Variants in TRIM15 observed in about 807,000 individuals in gnomAD.
TRIM15 encodes E3 ubiquitin-protein ligase TRIM15.
A neutral mutation model predicts 35.8 loss-of-function variants in TRIM15; 35 were observed. That is an observed-to-expected ratio of 0.98 (90% CI 0.75 to 1.30). The LOEUF (loss-of-function observed/expected upper bound fraction) is 1.30. TRIM15 is among the 50% of genes most tolerant of loss of function. TRIM15 has a pLI of 0.00. For synonymous variants in TRIM15, 252 were observed against 249.8 expected (o/e 1.01, Z -0.08); for missense variants, 590 against 593.5 (o/e 0.99, Z 0.06).
chr6:30,168,223 A>T (rs1407402574), intron 2 of TRIM15, 77 bp from the exon 3 acceptor site: 2 of 1,263,202 alleles, frequency 1.6e-6, no homozygotes, highest in Non-Finnish European at 2.2e-6. Context: ...GTTAATCAAT[A>T]ATAAGTATAT....
At chr6:30,165,714 C>A (rs1773549436) in intron 1 of TRIM15, among the ~76,000 whole-genome samples, 1 of 152,210 alleles carries the variant, frequency 6.6e-6, no homozygotes, top group African/African-American at 2.4e-5. Flanking sequence ...TTTACACTCC[C>A]ACCAACATTG....
At position 30,165,802 on chromosome 6, in the gene TRIM15, G is replaced by C. The variant is rs576316481; in HGVS notation, c.382-1374G>C. Among the ~76,000 whole-genome samples, 50 of 152,290 alleles carry C rather than the reference G, an allele frequency of 3.3e-4. No homozygotes were observed. In the South Asian group the frequency reaches 5.2e-3, roughly 16 times the overall value. On this transcript the variant is annotated intron_variant, in intron 1 of 6. Transcript: ENST00000376694. The stretch of plus-strand genomic sequence containing the variant: ...TTTTTAATGATCACCATTCTAACTG[G>C]TGTGAGATGGTATCTCATTGTGGTT...
rs1266313312 is a variant in TRIM15, at chr6:30,171,881, G to T, written c.930G>T (p.Ser310=). The change falls in exon 7 of 7, where the codon TCG becomes TCT. Residue 310 remains serine (S), a synonymous_variant. Coordinates refer to ENST00000376694, the MANE Select transcript of TRIM15 (RefSeq NM_033229.3). ...CCGCCAGCCGGAGCCTGGTTCTCTCGGAAGACAGGAAGTCAGTGAGGTACA... is the reference window on the plus strand; with the variant it reads ...CCGCCAGCCGGAGCCTGGTTCTCTCTGAAGACAGGAAGTCAGTGAGGTACA... ...PQTASRSLVL[S]EDRKSVRYTR... The T allele has an allele frequency of 3.1e-6, 5 of 1,595,422 alleles. No individual in the cohort carries two copies. The highest frequency in any genetic ancestry group is 4.3e-6 in the Non-Finnish European group (5 of 1,170,902).
chr6:30,170,896 ACTCAAGTCAC>A (rs1427387446), intron 5 of TRIM15, 70 bp from the exon 6 acceptor site: 21 of 1,502,720 alleles, frequency 1.4e-5, no homozygotes. Flanking sequence ...TTCACATTGT[ACTCAAGTCAC>A]CTTGCCCCTG....
chr6:30,163,640 G>A lies in TRIM15; in HGVS notation c.-45G>A. 1.3e-6 allele frequency: 2 copies of A among 1,550,568 alleles called. No individual in the cohort carries two copies. Among genetic ancestry groups the A allele is most frequent in the Non-Finnish European group, 1.7e-6 (2 of 1,147,676 alleles). ...TCGATTTCAGGGAAAGGGAACTCGC[G>A]TGGGCTGAGGAGACCGGAGTGGACG... On this transcript the variant is annotated 5_prime_UTR_variant, in exon 1 of 7. The change creates a new upstream start codon in the 5' untranslated region. Coordinates refer to ENST00000376694, the MANE Select transcript of TRIM15 (RefSeq NM_033229.3).
rs534619310 is a variant in TRIM15 at position 30,167,380 on chromosome 6, G to C, written c.477+109G>C. On this transcript the variant is annotated intron_variant, in intron 2 of 6. Coordinates refer to ENST00000376694, the MANE Select transcript of TRIM15 (RefSeq NM_033229.3). Reference sequence around the variant, plus strand: ...CCTGGCTGAAAAGAACTGACAAACTGTTCTCGTTCACCTTCCTGTGGCTGC... The same window carrying C: ...CCTGGCTGAAAAGAACTGACAAACTCTTCTCGTTCACCTTCCTGTGGCTGC... 9.1e-6 allele frequency: 8 copies of C among 875,418 alleles called. No homozygotes were observed. In the African/African-American group the frequency reaches 1.2e-4, roughly 13 times the overall value. The allele number at this position is 875,418 out of a possible 1,614,324, so 54.2% of individuals were successfully genotyped here.
Position 30,163,578 on chromosome 6 carries a change from T to C in TRIM15, c.-107T>C. On this transcript the variant is annotated 5_prime_UTR_variant, in exon 1 of 7. Coordinates refer to ENST00000376694, the MANE Select transcript of TRIM15 (RefSeq NM_033229.3). ...TTTCTCTCTCTCTGTCTCTTAGCCT[T>C]GCAGCCGTTTCCCTCTGCGATTCAT... 19 of 1,133,490 alleles carry C rather than the reference T, an allele frequency of 1.7e-5. No individual in the cohort carries two copies. The highest frequency in any genetic ancestry group is 3.4e-5 in the East Asian group (1 of 29,842). The allele number at this position is 1,133,490 out of a possible 1,614,324, so 70.2% of individuals were successfully genotyped here.
intron 6 of TRIM15, 116 bp from the exon 7 acceptor site, chr6:30,171,716 G>GC: frequency 7.5e-7 from 1 of 1,340,016 alleles, no homozygotes; most frequent in Non-Finnish European, 9.9e-7. Context: ...CAGAGAAGTG[G>GC]CCCAATGGCA....
chr6:30,167,030 A>T, intron 1 of TRIM15, 146 bp from the exon 2 acceptor site: 3 of 626,956 alleles, frequency 4.8e-6, no homozygotes, highest in Non-Finnish European at 5.6e-6. Flanking sequence ...TCTTCCTGAG[A>T]TGGTGGTCTC....
At chr6:30,169,427 T>C (rs1773855682) in intron 4 of TRIM15, 164 bp downstream of exon 4, 1 of 799,730 alleles carries the variant, frequency 1.3e-6, no homozygotes, top group African/African-American at 1.7e-5. Context: ...TCACTAAAGA[T>C]TTGCGTTCTA....
chr6:30,167,719 A>G (rs990279104), intron 2 of TRIM15, among the ~76,000 whole-genome samples: 1 of 152,160 alleles, frequency 6.6e-6, no homozygotes, highest in Admixed American at 6.5e-5. Context: ...GAGTAGGCTG[A>G]TGGTGTGGCT....
rs61738774 is a variant in TRIM15 at position 30,168,373 on chromosome 6, G to A, written c.551G>A (p.Arg184Gln). ...CTGCAGCAGGAGCTGGAGCAGCAGC[G>A]ATGTCTCCTGCTGGCCAGGCTGAGG... ...ERLQQELEQQ[R>Q]CLLLARLREL... is the part of the protein sequence containing the mutation. The change falls in exon 3 of 7, where the codon CGA becomes CAA. Residue 184 changes from arginine to glutamine, a missense_variant. Transcript: ENST00000376694. 2.0e-3 allele frequency: 3,207 copies of A among 1,613,004 alleles called. 12 individuals are homozygous for A. The highest frequency in any genetic ancestry group is 0.012 in the African/African-American group (875 of 75,026).
chr6:30,169,010 C>T (rs1276190005), intron 3 of TRIM15, among the ~76,000 whole-genome samples: 1 of 152,156 alleles, frequency 6.6e-6, no homozygotes, highest in Non-Finnish European at 1.5e-5. Flanking sequence ...CAACCCACCC[C>T]CACGATAAGG....
Position 30,171,856 on chromosome 6 carries a change from C to A in TRIM15, c.905C>A (p.Thr302Asn). 6.3e-7 allele frequency: 1 copy of A among 1,580,544 alleles called. No homozygotes were observed. Among genetic ancestry groups the A allele is most frequent in the South Asian group, 1.2e-5 (1 of 85,906 alleles). Reference protein sequence around the residue: ...DSGVITLDPQTASRSLVLSED... With the variant: ...DSGVITLDPQNASRSLVLSED... Reference sequence around the variant, plus strand: ...GGGGTCATCACTCTGGACCCTCAGACCGCCAGCCGGAGCCTGGTTCTCTCG... The same window carrying A: ...GGGGTCATCACTCTGGACCCTCAGAACGCCAGCCGGAGCCTGGTTCTCTCG... The change falls in exon 7 of 7, where the codon ACC becomes AAC. Residue 302 changes from threonine to asparagine, a missense_variant. Coordinates refer to ENST00000376694, the MANE Select transcript of TRIM15 (RefSeq NM_033229.3).
chr6:30,171,364 T>C (rs978000087), intron 6 of TRIM15, among the ~76,000 whole-genome samples: 8 of 152,246 alleles, frequency 5.3e-5, no homozygotes, highest in African/African-American at 1.7e-4. Flanking sequence ...CCCTAGTTTT[T>C]TGAGAGCATT....
At position 30,171,862 on chromosome 6, in the gene TRIM15, G is replaced by C; in HGVS notation, c.911G>C (p.Ser304Thr). The stretch of plus-strand genomic sequence containing the variant: ...ATCACTCTGGACCCTCAGACCGCCA[G>C]CCGGAGCCTGGTTCTCTCGGAAGAC... ...GVITLDPQTASRSLVLSEDRK... is the reference protein window; with the variant it reads ...GVITLDPQTATRSLVLSEDRK... The change falls in exon 7 of 7, where the codon AGC becomes ACC. Residue 304 changes from serine to threonine, a missense_variant. Coordinates refer to ENST00000376694, the MANE Select transcript of TRIM15 (RefSeq NM_033229.3). The C allele has an allele frequency of 6.3e-7, 1 of 1,586,352 alleles. No individual in the cohort carries two copies. Among genetic ancestry groups the C allele is most frequent in the Non-Finnish European group, 8.6e-7 (1 of 1,166,062 alleles).
At chr6:30,165,273 G>A (rs1368598985) in intron 1 of TRIM15, among the ~76,000 whole-genome samples, 1 of 152,038 alleles carries the variant, frequency 6.6e-6, no homozygotes, top group Non-Finnish European at 1.5e-5. Flanking sequence ...GCCCTGACAG[G>A]CCCCGATGTG....
In TRIM15 at chr6:30,170,334, A is replaced by C; in HGVS notation, c.732-167A>C. 6.9e-6 allele frequency: 4 copies of C among 582,200 alleles called. No individual in the cohort carries two copies. In the South Asian group the frequency reaches 8.7e-5, roughly 13 times the overall value. The allele number at this position is 582,200 out of a possible 1,614,324, so 36.1% of individuals were successfully genotyped here. On this transcript the variant is annotated intron_variant, in intron 4 of 6. Coordinates refer to ENST00000376694, the MANE Select transcript of TRIM15 (RefSeq NM_033229.3). ...CTTAGGTTTAACTGAAATGCCTACTATTTTAGTAACTACACATTTCCAGCA... is the reference window on the plus strand; with the variant it reads ...CTTAGGTTTAACTGAAATGCCTACTCTTTTAGTAACTACACATTTCCAGCA...
Position 30,172,448 on chromosome 6 carries a change from G to C in TRIM15, c.*99G>C. 2.7e-6 allele frequency: 4 copies of C among 1,490,866 alleles called. No individual in the cohort carries two copies. The highest frequency in any genetic ancestry group is 3.6e-6 in the Non-Finnish European group (4 of 1,115,184). The allele number at this position is 1,490,866 out of a possible 1,614,324, so 92.4% of individuals were successfully genotyped here. A position where few individuals can be genotyped will look rare whatever the true frequency, so the allele number is the denominator to read the frequency against. ...CGGCCCGGGGGCTCCCTGTGCCCGC[G>C]TGAGGCGAGAGAACAGGGGACTTGA... is the stretch of plus-strand genomic sequence containing the variant. On this transcript the variant is annotated 3_prime_UTR_variant, in exon 7 of 7. Coordinates refer to ENST00000376694, the MANE Select transcript of TRIM15 (RefSeq NM_033229.3).
Sources: gnomAD v4.1 joint callset for allele counts (sites outside exome capture counted in the v4.1 genomes callset) on GRCh38, gnomAD v4.1.1 for gene constraint, MANE v1.5 for transcripts, NCBI Gene and HGNC (gene_info 2026-07-23, HGNC 2026-07-21) for gene names.